Variants in ELP1 observed in about 807,000 individuals in gnomAD.
The protein encoded by ELP1 is elongator acetyltransferase complex subunit 1.
A neutral mutation model predicts 183.2 loss-of-function variants in ELP1; 131 were observed. The ratio of observed to expected loss-of-function variants is 0.72; its 90% CI spans 0.62 to 0.83. ELP1 has a LOEUF of 0.83. ELP1 is among the 40% of genes least tolerant of loss of function. The probability of loss-of-function intolerance (pLI) is 0.00; values close to 1 mark genes in which losing one functional copy is unlikely to be tolerated. For synonymous variants in ELP1, 555 were observed against 569.0 expected (o/e 0.98, Z 0.35); for missense variants, 1,550 against 1,594.9 (o/e 0.97, Z 0.48).
rs10979608 is a variant in ELP1, at chr9:108,912,612, G to A, written c.959-118C>T. ...CAAAGGACCCTTCCTGCTCAGCCTCGTCTCTAAAATAAGAACAATAATAAC... is the reference window on the plus strand; with the variant it reads ...CAAAGGACCCTTCCTGCTCAGCCTCATCTCTAAAATAAGAACAATAATAAC... On this transcript the variant is annotated intron_variant, in intron 10 of 36. Coordinates refer to ENST00000374647, the MANE Select transcript of ELP1 (RefSeq NM_003640.5). 0.076 allele frequency: 55,801 copies of A among 730,950 alleles called. 3,493 individuals carry two copies. Among genetic ancestry groups the A allele is most frequent in the African/African-American group, 0.22 (12,890 of 57,438 alleles). The allele number at this position is 730,950 out of a possible 1,614,324, so 45.3% of individuals were successfully genotyped here.
In ELP1 at chr9:108,917,623, T is replaced by C; in HGVS notation, c.788A>G (p.Gln263Arg). 13 of 1,613,956 alleles carry C rather than the reference T, an allele frequency of 8.1e-6. No homozygotes were observed. The highest frequency in any genetic ancestry group is 1.1e-5 in the Non-Finnish European group (13 of 1,179,808). ...ATTTTTCTCAAAAAACACAATATCC[T>C]GCTGGTTGGGTTTATCTTGTGTAGA... is the stretch of plus-strand genomic sequence containing the variant. ...IASTQDKPNQ[Q>R]DIVFFEKNGL... is the part of the protein sequence containing the mutation. Residue 263 changes from glutamine to arginine, a missense_variant, in exon 9 of 37, where the codon CAG (glutamine) becomes CGG (arginine). Coordinates refer to ENST00000374647, the MANE Select transcript of ELP1 (RefSeq NM_003640.5).
At chr9:108,920,610 G>A (rs1829610506) in intron 6 of ELP1, among the ~76,000 whole-genome samples, 1 of 151,142 alleles carries the variant, frequency 6.6e-6, no homozygotes, top group Admixed American at 6.6e-5. Context: ...CAGTGTTACT[G>A]GGCACTAGGA....
Position 108,926,573 on chromosome 9 carries a change from T to C in ELP1, c.416A>G (p.Asp139Gly), listed in dbSNP as rs1829830780. 6.2e-7 allele frequency: 1 copy of C among 1,613,032 alleles called. No individual in the cohort carries two copies. Among genetic ancestry groups the C allele is most frequent in the East Asian group, 2.2e-5 (1 of 44,872 alleles). The change falls in exon 5 of 37, where the codon GAT (aspartate) becomes GGT (glycine). Residue 139 changes from aspartate to glycine, a missense_variant. Transcript: ENST00000374647. ...CTGCTGCTCCAGGATTGGCTCAAAA[T>C]CTTTTGTCATCATAATCAGGGTCTG... ...GQQTLIMMTKDFEPILEQQIH... is the reference protein window; with the variant it reads ...GQQTLIMMTKGFEPILEQQIH...
chr9:108,877,622 C>T (rs560283904), intron 35 of ELP1, among the ~76,000 whole-genome samples: 28 of 152,296 alleles, frequency 1.8e-4, no homozygotes, highest in African/African-American at 6.7e-4. Flanking sequence ...CCTGGGGTCC[C>T]TTTAAAGCCT....
intron 5 of ELP1, among the ~76,000 whole-genome samples, chr9:108,923,259 CT>C (rs1440442475): frequency 6.6e-6 from 1 of 152,174 alleles, no homozygotes; most frequent in East Asian, 1.9e-4. Context: ...GTGGTCCCAG[CT>C]ACTCAAGAGA....
At chr9:108,912,084 G>T (rs7853801) in intron 11 of ELP1, among the ~76,000 whole-genome samples, 180 bp downstream of exon 11, 2,820 of 152,182 alleles carry the variant, frequency 0.019, 48 homozygotes, top group Admixed American at 0.041. Context: ...TGGGGGAGGG[G>T]GGACAATGGT....
chr9:108,919,863 A>G (rs143200309), intron 6 of ELP1, among the ~76,000 whole-genome samples: 1 of 152,208 alleles, frequency 6.6e-6, no homozygotes, highest in African/African-American at 2.4e-5. Context: ...ACGGGAAGAA[A>G]CGTCTCCTCC....
chr9:108,910,298 G>A (rs1330083733), intron 12 of ELP1, among the ~76,000 whole-genome samples: 1 of 152,188 alleles, frequency 6.6e-6, no homozygotes, highest in East Asian at 1.9e-4. Context: ...CAGAAAAGCT[G>A]ATATGAAAGT....
intron 29 of ELP1, among the ~76,000 whole-genome samples, chr9:108,885,719 G>T (rs1243438583): frequency 6.6e-6 from 1 of 152,168 alleles, no homozygotes; most frequent in Non-Finnish European, 1.5e-5. Flanking sequence ...CTAAAACCAG[G>T]GAAAGCACCA....
chr9:108,914,154 C>G (rs1375170295), intron 10 of ELP1, among the ~76,000 whole-genome samples: 3 of 152,034 alleles, frequency 2.0e-5, no homozygotes, highest in Non-Finnish European at 4.4e-5. Flanking sequence ...GTAATCCCAG[C>G]ACTTTGGGAG....
chr9:108,905,233 G>T (rs577139379), intron 14 of ELP1, among the ~76,000 whole-genome samples: 2 of 152,186 alleles, frequency 1.3e-5, no homozygotes, highest in South Asian at 2.1e-4. Context: ...TAAAGGAAAG[G>T]TTCCTAATTT....
At chr9:108,925,229 T>C (rs964181844) in intron 5 of ELP1, among the ~76,000 whole-genome samples, 1 of 152,174 alleles carries the variant, frequency 6.6e-6, no homozygotes, top group Non-Finnish European at 1.5e-5. Flanking sequence ...AAACCTCTTA[T>C]CATCAAAACT....
At chr9:108,930,478 C>T (rs1309786107) in intron 2 of ELP1, among the ~76,000 whole-genome samples, 1 of 152,082 alleles carries the variant, frequency 6.6e-6, no homozygotes, top group Non-Finnish European at 1.5e-5. Context: ...ATCACGAGGT[C>T]AGGAGATCAA....
At chr9:108,918,307 C>T (rs1200758973) in intron 8 of ELP1, among the ~76,000 whole-genome samples, 1 of 152,162 alleles carries the variant, frequency 6.6e-6, no homozygotes, top group East Asian at 1.9e-4. Context: ...CACAAGGGTA[C>T]TGGGCCAAGG....
chr9:108,926,305 ACTAT>A (rs1196752576), intron 5 of ELP1, among the ~76,000 whole-genome samples: 3 of 152,170 alleles, frequency 2.0e-5, no homozygotes, highest in Admixed American at 2.0e-4. Flanking sequence ...TTGGGTAATA[ACTAT>A]CTAAGTGACC....
intron 1 of ELP1, among the ~76,000 whole-genome samples, chr9:108,933,580 C>T (rs1348753779): frequency 3.3e-5 from 5 of 152,282 alleles, no homozygotes; most frequent in Non-Finnish European, 5.9e-5. Flanking sequence ...AATTAATACT[C>T]TCGCTTTCAG....
intron 29 of ELP1, among the ~76,000 whole-genome samples, chr9:108,889,127 A>T (rs3780507): frequency 7.2e-5 from 11 of 152,064 alleles, no homozygotes; most frequent in African/African-American, 2.4e-4. Context: ...AAAGTAGAGC[A>T]CCTTCATATT....
At chr9:108,928,761 G>A (rs1829900841) in intron 3 of ELP1, among the ~76,000 whole-genome samples, 1 of 152,040 alleles carries the variant, frequency 6.6e-6, no homozygotes, top group African/African-American at 2.4e-5. Flanking sequence ...TGTTTGGAAA[G>A]TAAAAGCATC....
At chr9:108,913,293 C>A (rs1032375529) in intron 10 of ELP1, among the ~76,000 whole-genome samples, 2 of 152,162 alleles carry the variant, frequency 1.3e-5, no homozygotes, top group Non-Finnish European at 2.9e-5. Flanking sequence ...ATGTTCAAGG[C>A]TATCTGGGTA....
Sources: allele counts gnomAD v4.1 joint callset (sites outside exome capture counted in the v4.1 genomes callset), GRCh38; gene constraint gnomAD v4.1.1; transcripts MANE v1.5; gene names NCBI Gene and HGNC (gene_info 2026-07-23, HGNC 2026-07-21).